The following FYB1 variants were observed in gnomAD, a reference collection of about 807,000 sequenced individuals.
FYB1 encodes FYN-binding protein 1.
In FYB1, 41 loss-of-function variants were observed where a neutral mutation model predicts 94.1. The ratio of observed to expected loss-of-function variants is 0.44; its 90% CI spans 0.34 to 0.57. FYB1 has a LOEUF of 0.57. FYB1 is among the 20% of genes least tolerant of loss of function. FYB1 has a pLI of 0.02. For missense variants in FYB1, 1,050 were observed against 976.8 expected (o/e 1.07, Z -1.00); for synonymous variants, 367 against 353.2 (o/e 1.04, Z -0.44).
At chr5:39,188,478 A>G (rs1747045104) in intron 2 of FYB1, among the ~76,000 whole-genome samples, 1 of 144,550 alleles carries the variant, frequency 6.9e-6, no homozygotes, top group Admixed American at 7.0e-5. Context: ...ACCCCAACGT[A>G]CCACCCCACA....
chr5:39,217,417 T>C (rs527381803), intron 1 of FYB1, among the ~76,000 whole-genome samples: 286 of 152,330 alleles, frequency 1.9e-3, no homozygotes, highest in Middle Eastern at 3.4e-3. Context: ...AGCTTTCCAC[T>C]GCGCTATGCT....
In FYB1 at chr5:39,178,862, A is replaced by C. The variant is rs554403176; in HGVS notation, c.1135+22964T>G. ...GATAGGTACCGGATAATTTTCTTAT[A>C]ATCTTAGGAAATCCTTTATGTTAGG... On this transcript the variant is annotated intron_variant, in intron 2 of 18. Coordinates refer to ENST00000512982, the MANE Select transcript of FYB1 (RefSeq NM_001465.6). Among the ~76,000 whole-genome samples, 3 of 152,314 alleles carry C rather than the reference A, an allele frequency of 2.0e-5. No individual in the cohort carries two copies. In the South Asian group the frequency reaches 6.2e-4, roughly 32 times the overall value.
chr5:39,203,421 C>A (rs1446834181), intron 1 of FYB1, among the ~76,000 whole-genome samples: 2 of 151,910 alleles, frequency 1.3e-5, no homozygotes, highest in East Asian at 3.9e-4. Flanking sequence ...AAAGTAAGTT[C>A]TTCTGTAAAT....
chr5:39,233,646 ATTG>A lies in FYB1; in HGVS notation c.-27-30662_-27-30660del, dbSNP rs758337903. On this transcript the variant is annotated intron_variant, in intron 1 of 1. Coordinates refer to the FYB1 transcript ENST00000510188. ...CAAAACTTTTAGTGAGAGGCTTGGA[ATTG>A]TTGTACATTTTTGCAAATGTGTTTA... Among the ~76,000 whole-genome samples, 96 of 152,262 alleles carry A rather than the reference ATTG, an allele frequency of 6.3e-4. 1 individual carries two copies. Among genetic ancestry groups the A allele is most frequent in the African/African-American group, 1.5e-3 (64 of 41,560 alleles).
chr5:39,166,366 G>A (rs1194784826), intron 2 of FYB1, among the ~76,000 whole-genome samples: 1 of 152,038 alleles, frequency 6.6e-6, no homozygotes, highest in East Asian at 1.9e-4. Context: ...AACCCAGGAG[G>A]TGGAGGTTGT....
rs751158772 is a variant in FYB1 at position 39,202,195 on chromosome 5, T to G, written c.766A>C (p.Ser256Arg). 4 of 1,613,918 alleles carry G rather than the reference T, an allele frequency of 2.5e-6. No individual in the cohort carries two copies. The highest frequency in any genetic ancestry group is 3.4e-6 in the Non-Finnish European group (4 of 1,179,892). Residue 256 changes from serine (S) to arginine (R), a missense_variant, in exon 2 of 19, where the codon AGT becomes CGT. Physicochemically the swap from Ser to Arg is moderately radical, Grantham distance 110. Coordinates refer to ENST00000512982, the MANE Select transcript of FYB1 (RefSeq NM_001465.6). Reference protein sequence around the residue: ...ENKDHAGEISSLPFPGVVLKP... With the variant: ...ENKDHAGEISRLPFPGVVLKP... ...AAAACCACTCCAGGAAAGGGCAAAC[T>G]TGAAATCTCCCCTGCATGGTCTTTA...
At chr5:39,150,136 T>C (rs955117524) in intron 3 of FYB1, among the ~76,000 whole-genome samples, 1 of 152,050 alleles carries the variant, frequency 6.6e-6, no homozygotes, top group Non-Finnish European at 1.5e-5. Context: ...GAAGACCAGA[T>C]TAAAAATCAA....
chr5:39,207,085 G>A (rs373513121), intron 1 of FYB1, among the ~76,000 whole-genome samples: 3 of 152,056 alleles, frequency 2.0e-5, no homozygotes, highest in Admixed American at 2.0e-4. Context: ...TCAAGATTGG[G>A]CTTCTACTTA....
intron 2 of FYB1, 54 bp from the exon 3 acceptor site, chr5:39,153,658 A>G (rs776474998): frequency 6.6e-7 from 1 of 1,518,484 alleles, no homozygotes; most frequent in African/African-American, 1.4e-5. Flanking sequence ...CAAAAAGAAG[A>G]TTGTTAATTG....
chr5:39,158,847 C>T (rs1368683103), intron 2 of FYB1, among the ~76,000 whole-genome samples: 1 of 152,094 alleles, frequency 6.6e-6, no homozygotes, highest in Non-Finnish European at 1.5e-5. Context: ...GCCACAAAAC[C>T]CTGACCCTAG....
At chr5:39,137,442 G>A (rs1741767315) in intron 7 of FYB1, 158 bp downstream of exon 7, 1 of 726,600 alleles carries the variant, frequency 1.4e-6, no homozygotes, top group Non-Finnish European at 2.1e-6. Context: ...ATAAAATGGT[G>A]TATTGGACAA....
intron 2 of FYB1, among the ~76,000 whole-genome samples, chr5:39,183,678 C>G (rs1050867342): frequency 6.6e-6 from 1 of 152,118 alleles, no homozygotes; most frequent in Non-Finnish European, 1.5e-5. Context: ...TATAACAACT[C>G]AAAACAAGCT....
chr5:39,237,212 A>G (rs1444747836), intron 1 of FYB1, among the ~76,000 whole-genome samples: 2 of 152,172 alleles, frequency 1.3e-5, no homozygotes, highest in African/African-American at 2.4e-5. Context: ...TAGATTAGCC[A>G]GAGGCACCAC....
At chr5:39,208,376 G>A (rs752698348) in intron 1 of FYB1, among the ~76,000 whole-genome samples, 2 of 152,186 alleles carry the variant, frequency 1.3e-5, no homozygotes, top group Admixed American at 1.3e-4. Flanking sequence ...TCTAATCATG[G>A]TGGAGGCAGT....
intron 2 of FYB1, among the ~76,000 whole-genome samples, chr5:39,167,255 TTC>T (rs879811936): frequency 8.0e-5 from 12 of 150,844 alleles, no homozygotes; most frequent in Non-Finnish European, 1.0e-4. Flanking sequence ...TCTTGGGTAG[TTC>T]TCTCTCTCTC....
At chr5:39,185,639 T>TAC (rs750593141) in intron 2 of FYB1, among the ~76,000 whole-genome samples, 2 of 143,374 alleles carry the variant, frequency 1.4e-5, no homozygotes, top group Non-Finnish European at 1.5e-5. Context: ...TATATATATA[T>TAC]ATACACACAC....
chr5:39,215,866 C>A (rs891659377), intron 1 of FYB1, among the ~76,000 whole-genome samples: 1 of 152,014 alleles, frequency 6.6e-6, no homozygotes, highest in African/African-American at 2.4e-5. Flanking sequence ...AAGGTCTTTG[C>A]AGGTGTAATT....
At chr5:39,263,336 T>C (rs554062858) in intron 1 of FYB1, among the ~76,000 whole-genome samples, 1 of 152,290 alleles carries the variant, frequency 6.6e-6, no homozygotes, top group African/African-American at 2.4e-5. Flanking sequence ...AATTTGAGCC[T>C]CTTATCCTTG....
intron 1 of FYB1, among the ~76,000 whole-genome samples, chr5:39,230,191 T>C (rs781192181): frequency 6.6e-6 from 1 of 152,270 alleles, no homozygotes; most frequent in East Asian, 1.9e-4. Flanking sequence ...ATGAGAAGAT[T>C]ACTCTGGATT....
Sources: allele counts gnomAD v4.1 joint callset (sites outside exome capture counted in the v4.1 genomes callset), GRCh38; gene constraint gnomAD v4.1.1; transcripts MANE v1.5; gene names NCBI Gene and HGNC (gene_info 2026-07-23, HGNC 2026-07-21).